The following ZNF484 variants were observed in gnomAD, a reference collection of about 807,000 sequenced individuals.
ZNF484 encodes the protein KRAB box containing C2H2 type zinc finger bA526D8.4.
ZNF484 carries 11 observed loss-of-function variants against 12.9 expected under a neutral mutation model. The ratio of observed to expected loss-of-function variants is 0.85; its 90% confidence interval spans 0.54 to 1.41. ZNF484 has a LOEUF of 1.41. Ranked by LOEUF, ZNF484 falls within the 40% of genes most tolerant of loss-of-function variation. The pLI, the probability that ZNF484 is intolerant of heterozygous loss-of-function variation, is 0.00. For missense variants in ZNF484, 807 were observed against 1,007.7 expected, an observed-to-expected ratio of 0.80 and a Z score of 2.70; for synonymous variants, 289 against 334.1, an observed-to-expected ratio of 0.86 and a Z score of 1.47.
intron 2 of ZNF484, among the ~76,000 whole-genome samples, chr9:92,870,583 T>C (rs1265881623): frequency 6.6e-6 from 1 of 152,192 alleles, no homozygotes; most frequent in African/African-American, 2.4e-5. Flanking sequence ...TTTCTTGCCA[T>C]GCCAGTGGGA....
chr9:92,847,469 A>T lies in ZNF484; in HGVS notation c.1318T>A (p.Tyr440Asn), dbSNP rs1855727991. The T allele has an allele frequency of 5.6e-6, 9 of 1,612,570 alleles. No homozygotes were observed. The East Asian group carries it at 2.0e-4, about 36-fold the overall frequency. The change falls in exon 5 of 5, where the codon TAT (tyrosine) becomes AAT (asparagine). Residue 440 changes from tyrosine (Y) to asparagine (N), a missense_variant. Tyr to Asn is a moderately radical substitution (Grantham distance 143). Coordinates refer to ENST00000375495, the MANE Select transcript of ZNF484 (RefSeq NM_031486.4). ...HERIHTGEKPYECSDCGKSFI... is the reference protein window; with the variant it reads ...HERIHTGEKPNECSDCGKSFI... ...GATTTCCCACAGTCACTGCATTCAT[A>T]GGGTTTTTCTCCAGTATGAATTCTT...
At chr9:92,854,058 A>G (rs1856278141) in intron 4 of ZNF484, among the ~76,000 whole-genome samples, 1 of 152,272 alleles carries the variant, frequency 6.6e-6, no homozygotes, top group Admixed American at 6.5e-5. Context: ...CCCAGCAACA[A>G]TGGAGGGAAC....
At chr9:92,853,867 CGAT>C (rs1471509936) in intron 4 of ZNF484, among the ~76,000 whole-genome samples, 2 of 151,800 alleles carry the variant, frequency 1.3e-5, no homozygotes, top group African/African-American at 4.8e-5. Flanking sequence ...TCAAGAGTGA[CGAT>C]GAGACACACA....
At chr9:92,860,806 A>G (rs1022171229) in intron 2 of ZNF484, among the ~76,000 whole-genome samples, 3 of 152,128 alleles carry the variant, frequency 2.0e-5, no homozygotes, top group Non-Finnish European at 4.4e-5. Context: ...GGCATTATAT[A>G]GACTGTATTG....
At position 92,855,916 on chromosome 9, in the gene ZNF484, G is replaced by T. The variant is rs1856417893; in HGVS notation, c.143-13C>A. 2 of 1,612,516 alleles carry T rather than the reference G, an allele frequency of 1.2e-6. No individual in the cohort carries two copies. The highest frequency in any genetic ancestry group is 2.2e-5 in the East Asian group (1 of 44,892). On this transcript the variant is annotated splice_polypyrimidine_tract_variant and intron_variant, in intron 3 of 4. Coordinates refer to ENST00000375495, the MANE Select transcript of ZNF484 (RefSeq NM_031486.4). ...GGAACTTGACATCCTGTTAACAGGG[G>T]ATGATAGAGGACTTGATTTCAGAGG... is the stretch of plus-strand genomic sequence containing the variant.
intron 4 of ZNF484, among the ~76,000 whole-genome samples, chr9:92,855,476 A>G (rs1856378899): frequency 6.6e-6 from 1 of 152,194 alleles, no homozygotes; most frequent in Admixed American, 6.5e-5. Flanking sequence ...ACCTTGATGG[A>G]GGTAGAAAGA....
At position 92,877,788 on chromosome 9, in the gene ZNF484, T is replaced by C. The variant is rs554375393; in HGVS notation, c.-31+102A>G. The C allele has an allele frequency of 1.8e-3, 2,770 of 1,535,592 alleles. 29 individuals are homozygous for C. The highest frequency in any genetic ancestry group is 0.015 in the South Asian group (1,284 of 84,038). On this transcript the variant is annotated intron_variant, in intron 1 of 4. Coordinates refer to ENST00000375495, the MANE Select transcript of ZNF484 (RefSeq NM_031486.4). ...CATCAGAGATCGCTCCGACTTCCAC[T>C]ATTCCATCCACTGACCGACCCCATC...
chr9:92,868,182 T>TATC (rs1857219831), intron 2 of ZNF484, among the ~76,000 whole-genome samples: 2 of 152,224 alleles, frequency 1.3e-5, no homozygotes, highest in African/African-American at 4.8e-5. Context: ...CTTACCCAGC[T>TATC]TCTTGAGACT....
chr9:92,856,165 C>G (rs781564522), intron 3 of ZNF484, 27 bp downstream of exon 3: 5 of 1,611,616 alleles, frequency 3.1e-6, no homozygotes, highest in Non-Finnish European at 4.2e-6. Context: ...GTGCAGCCTA[C>G]TCTATACCCA....
chr9:92,867,092 G>A (rs1041813986), intron 2 of ZNF484, among the ~76,000 whole-genome samples: 1 of 152,202 alleles, frequency 6.6e-6, no homozygotes, highest in African/African-American at 2.4e-5. Flanking sequence ...GCTCACACCT[G>A]TAATCCCAGC....
At position 92,845,272 on chromosome 9, in the gene ZNF484, A is replaced by G. The variant is rs1404769418; in HGVS notation, c.*956T>C. 6.6e-6 allele frequency: 1 copy of G among 152,216 alleles called. No individual in the cohort carries two copies. The highest frequency in any genetic ancestry group is 2.4e-5 in the African/African-American group (1 of 41,462). The allele number at this position is 152,216 out of a possible 1,614,324, so 9.4% of individuals were successfully genotyped here. A position where few individuals can be genotyped will look rare whatever the true frequency, so the allele number is the denominator to read the frequency against. On this transcript the variant is annotated 3_prime_UTR_variant, in exon 5 of 5. Transcript: ENST00000375495. The surrounding 1 kb of genome is among the most constrained non-coding windows in gnomAD (Gnocchi z 4.0). ...AAAATTACAACACAGTTCTTTCAGT[A>G]TTTGATAGAAGAAAAGACAAAAAAG...
intron 2 of ZNF484, 68 bp from the exon 3 acceptor site, chr9:92,856,386 A>C (rs1273890921): frequency 7.3e-6 from 8 of 1,099,146 alleles, no homozygotes; most frequent in South Asian, 5.5e-5. Flanking sequence ...AAAAAAAAAA[A>C]CCTTTCAATG....
In ZNF484 at chr9:92,848,435, A is replaced by G; in HGVS notation, c.352T>C (p.Leu118=). 1 of 1,614,140 alleles carries G rather than the reference A, an allele frequency of 6.2e-7. No individual in the cohort carries two copies. Among genetic ancestry groups the G allele is most frequent in the Non-Finnish European group, 8.5e-7 (1 of 1,180,022 alleles). ...CTTGTGTGTTCATCGTCTTTCCACA[A>G]TTCTTCTAAAATGGAATATGGGTCA... ...RDDPYSILEE[L]WKDDEHTRKC... is the part of the protein sequence containing the mutation. The change falls in exon 5 of 5, where the codon TTG becomes CTG. Residue 118 remains leucine (L), a synonymous_variant. Coordinates refer to ENST00000375495, the MANE Select transcript of ZNF484 (RefSeq NM_031486.4). The surrounding 1 kb of genome is among the most constrained non-coding windows in gnomAD (Gnocchi z 4.1).
At chr9:92,858,411 T>C (rs1564107949) in intron 2 of ZNF484, among the ~76,000 whole-genome samples, 1 of 152,052 alleles carries the variant, frequency 6.6e-6, no homozygotes, top group Non-Finnish European at 1.5e-5. Context: ...GTATAACCTA[T>C]CAGAGTCTGA....
intron 2 of ZNF484, among the ~76,000 whole-genome samples, chr9:92,870,724 C>G (rs891782961): frequency 3.3e-5 from 5 of 152,204 alleles, no homozygotes; most frequent in Non-Finnish European, 5.9e-5. Context: ...TAATGAGGCC[C>G]TATCCAACCT....
At chr9:92,877,477 T>C (rs766897829) in intron 1 of ZNF484, among the ~76,000 whole-genome samples, 1 of 152,188 alleles carries the variant, frequency 6.6e-6, no homozygotes, top group Non-Finnish European at 1.5e-5. Flanking sequence ...CTATGTAATA[T>C]ATTCTTTAAA....
intron 1 of ZNF484, among the ~76,000 whole-genome samples, chr9:92,877,633 A>AC (rs1442249600): frequency 6.6e-6 from 1 of 151,418 alleles, no homozygotes; most frequent in East Asian, 1.9e-4. Flanking sequence ...CTCCCCCACA[A>AC]CCCCACAGTC....
chr9:92,862,542 G>A (rs1178383958), intron 2 of ZNF484, among the ~76,000 whole-genome samples: 2 of 151,938 alleles, frequency 1.3e-5, no homozygotes, highest in African/African-American at 4.8e-5. Context: ...CATGAGCAAA[G>A]GTATAAAGAC....
rs572840630 is a variant in ZNF484, at chr9:92,876,059, A to G, written c.-30-1000T>C. On this transcript the variant is annotated intron_variant, in intron 1 of 4. Coordinates refer to ENST00000375495, the MANE Select transcript of ZNF484 (RefSeq NM_031486.4). ...TGAGAGAAACACTGGAAGAAGTCCA[A>G]ATAAATGTAAAATGAACCACACAAT... Among the ~76,000 whole-genome samples, 6 of 148,112 alleles carry G rather than the reference A, an allele frequency of 4.1e-5. No homozygotes were observed. In the East Asian group the frequency reaches 1.2e-3, roughly 29 times the overall value.
Sources: allele counts gnomAD v4.1 joint callset (sites outside exome capture counted in the v4.1 genomes callset), GRCh38; gene constraint gnomAD v4.1.1; non-coding constraint Gnocchi (gnomAD v3.1); transcripts MANE v1.5; gene names NCBI Gene and HGNC (gene_info 2026-07-23, HGNC 2026-07-21).